The following MUC22 variants were observed in gnomAD, a reference collection of about 807,000 sequenced individuals.
MUC22 encodes mucin 22, also known as mucin-22.
A neutral mutation model predicts 40.3 loss-of-function variants in MUC22; 24 were observed. The observed-to-expected ratio is 0.60, with a 90% CI of 0.43 to 0.84. The LOEUF (loss-of-function observed/expected upper bound fraction) is 0.84, where lower values mean the gene tolerates loss of function less well. Among genes scored for constraint, MUC22 ranks in the 40% least tolerant of loss-of-function variants. The probability of loss-of-function intolerance (pLI) is 0.00; values close to 1 mark genes in which losing one functional copy is unlikely to be tolerated. For missense variants in MUC22, 1,926 were observed against 2,130.7 expected, an observed-to-expected ratio of 0.90 and a Z score of 1.89; for synonymous variants, 765 against 844.5, an observed-to-expected ratio of 0.91 and a Z score of 1.63.
upstream of MUC22, among the ~76,000 whole-genome samples, chr6:31,007,947 C>A (rs1252990821): frequency 6.6e-6 from 1 of 152,210 alleles, no homozygotes; most frequent in Non-Finnish European, 1.5e-5. The surrounding 1 kb of genome is among the most constrained non-coding windows in gnomAD (Gnocchi z 4.0). Flanking sequence ...CTTATGATGA[C>A]TCGTCCATCT....
chr6:31,028,796 G>T, exon 2 of MUC22: 1 of 1,532,342 alleles, frequency 6.5e-7, no homozygotes, highest in Non-Finnish European at 8.7e-7. Context: ...TCTACTGAAA[G>T]CTCTGAGACC....
chr6:31,012,622 CAT>C, intron 1 of MUC22, among the ~76,000 whole-genome samples: 1 of 152,350 alleles, frequency 6.6e-6, no homozygotes, highest in East Asian at 1.9e-4. Flanking sequence ...TACTGTAAAA[CAT>C]AGACTTAAAT....
At chr6:31,016,000 C>T (rs775868149) in intron 1 of MUC22, among the ~76,000 whole-genome samples, 46 of 151,082 alleles carry the variant, frequency 3.0e-4, no homozygotes, top group African/African-American at 9.9e-4. Context: ...CCAACTCTGT[C>T]GTTTTATTTT....
exon 2 of MUC22, chr6:31,029,372 A>C: frequency 6.5e-7 from 1 of 1,535,124 alleles, no homozygotes; most frequent in Non-Finnish European, 8.7e-7. Flanking sequence ...GAAGGCTCTG[A>C]GACAACCACA....
upstream of MUC22, among the ~76,000 whole-genome samples, chr6:31,007,091 T>C (rs188980318): frequency 2.2e-3 from 340 of 152,378 alleles, 3 homozygotes; most frequent in African/African-American, 6.0e-3. The surrounding 1 kb of genome is among the most constrained non-coding windows in gnomAD (Gnocchi z 4.0). Context: ...AAACTTTTAT[T>C]ATTTCAATGT....
In MUC22 at chr6:31,026,327, C is replaced by A. The variant is rs1329293909; in HGVS notation, c.896C>A (p.Thr299Asn). 1.1e-5 allele frequency: 16 copies of A among 1,504,092 alleles called. 1 individual carries two copies. Among genetic ancestry groups the A allele is most frequent in the Non-Finnish European group, 1.3e-5 (15 of 1,127,128 alleles). The allele number at this position is 1,504,092 out of a possible 1,614,324, so 93.2% of individuals were successfully genotyped here. The change falls in exon 2 of 4, where the codon ACC (threonine) becomes AAC (asparagine). Residue 299 changes from threonine to asparagine, a missense_variant. Transcript: ENST00000561890. ...TCTACAGCAGGTTCTGAGACCACCACCCCCTCCCCCACAGGCTCTCAGACC... is the reference window on the plus strand; with the variant it reads ...TCTACAGCAGGTTCTGAGACCACCAACCCCTCCCCCACAGGCTCTCAGACC...
At chr6:31,021,856 A>G (rs939931192) in intron 1 of MUC22, among the ~76,000 whole-genome samples, 7 of 152,064 alleles carry the variant, frequency 4.6e-5, no homozygotes, top group South Asian at 2.1e-4. Flanking sequence ...GTCGTTTTCC[A>G]CACTGTGGAA....
At position 31,030,138 on chromosome 6, in the gene MUC22, T is replaced by G. The variant is rs1464737141; in HGVS notation, c.4669+38T>G. ...ATGTCTTCTTTGAGCCCACACATTT[T>G]AACTCCAGTGGCAACCACCAGCTGT... is the stretch of plus-strand genomic sequence containing the variant. On this transcript the variant is annotated intron_variant, in intron 2 of 3. Transcript: ENST00000561890. The G allele has an allele frequency of 4.1e-6, 6 of 1,476,676 alleles. No individual in the cohort carries two copies. The South Asian group carries it at 8.2e-5, about 20-fold the overall frequency. The allele number at this position is 1,476,676 out of a possible 1,614,324, so 91.5% of individuals were successfully genotyped here. A position where few individuals can be genotyped will look rare whatever the true frequency, so the allele number is the denominator to read the frequency against.
exon 2 of MUC22, chr6:31,026,742 C>T (rs1765400882): frequency 6.6e-7 from 1 of 1,505,546 alleles, no homozygotes; most frequent in African/African-American, 1.4e-5. Context: ...CGGAAACCAT[C>T]ACACCCTCTA....
exon 2 of MUC22, chr6:31,028,358 C>A: frequency 6.5e-7 from 1 of 1,533,302 alleles, no homozygotes; most frequent in Non-Finnish European, 8.7e-7. Flanking sequence ...GAGATTACTA[C>A]AGCCTCCATC....
intron 1 of MUC22, among the ~76,000 whole-genome samples, chr6:31,019,532 G>C (rs1045928441): frequency 5.3e-5 from 8 of 152,208 alleles, no homozygotes; most frequent in Non-Finnish European, 1.2e-4. Context: ...CAGGAGGGGA[G>C]ACAGCAGTGG....
intron 1 of MUC22, among the ~76,000 whole-genome samples, chr6:31,023,416 G>T (rs1047315882): frequency 6.6e-6 from 1 of 151,724 alleles, no homozygotes; most frequent in African/African-American, 2.4e-5. Flanking sequence ...ATCATGACTC[G>T]TGCCTGTGAT....
chr6:31,030,260 G>C (rs1765954771), intron 2 of MUC22, among the ~76,000 whole-genome samples, 160 bp downstream of exon 2: 1 of 152,318 alleles, frequency 6.6e-6, no homozygotes, highest in South Asian at 2.1e-4. Context: ...GCTCATGCCT[G>C]TAATCCCAGC....
At chr6:31,010,432 T>C, upstream of MUC22, 1 of 439,162 alleles carries the variant, frequency 2.3e-6, no homozygotes, top group Non-Finnish European at 4.1e-6. Flanking sequence ...TGGCCTCCCC[T>C]ACTCAGTATC....
At chr6:31,009,876 G>A (rs1426670122), upstream of MUC22, among the ~76,000 whole-genome samples, 1 of 152,132 alleles carries the variant, frequency 6.6e-6, no homozygotes, top group East Asian at 1.9e-4. Flanking sequence ...GTAGTTCCGT[G>A]CCCCATCCTC....
At chr6:31,033,878 G>A (rs1419813246) in intron 3 of MUC22, among the ~76,000 whole-genome samples, 1 of 152,198 alleles carries the variant, frequency 6.6e-6, no homozygotes, top group Non-Finnish European at 1.5e-5. Flanking sequence ...TAGTCAATTT[G>A]CTGAGGTTCT....
At chr6:31,028,258 G>C (rs1765625959) in exon 2 of MUC22, 4 of 1,533,832 alleles carry the variant, frequency 2.6e-6, no homozygotes, top group Non-Finnish European at 3.5e-6. Flanking sequence ...TGAAGGCTCT[G>C]GGACCACTAC....
At chr6:31,017,854 CTTCTATAGT>C (rs2150754871) in intron 1 of MUC22, among the ~76,000 whole-genome samples, 1 of 152,350 alleles carries the variant, frequency 6.6e-6, no homozygotes, top group Non-Finnish European at 1.5e-5. Context: ...CTTGGGTACT[CTTCTATAGT>C]GTGGAAACTT....
chr6:31,028,634 C>G, exon 2 of MUC22: 1 of 1,535,122 alleles, frequency 6.5e-7, no homozygotes, highest in Non-Finnish European at 8.7e-7. Context: ...ACCATAGCCT[C>G]TACCACAGCC....
Sources: gnomAD v4.1 joint callset for allele counts (sites outside exome capture counted in the v4.1 genomes callset) on GRCh38, gnomAD v4.1.1 for gene constraint, Gnocchi (gnomAD v3.1) non-coding constraint, MANE v1.5 for transcripts, NCBI Gene and HGNC (gene_info 2026-07-23, HGNC 2026-07-21) for gene names.